The following CACNA2D2 variants were observed in gnomAD, a reference collection of about 807,000 sequenced individuals.
CACNA2D2 encodes the protein calcium voltage-gated channel auxiliary subunit alpha2delta 2, also known as voltage-dependent calcium channel subunit alpha-2/delta-2.
CACNA2D2 carries 48 observed loss-of-function variants against 166.4 expected under a neutral mutation model. The ratio of observed to expected loss-of-function variants is 0.29; its 90% CI spans 0.23 to 0.37. CACNA2D2 has a LOEUF of 0.37. Among genes scored for constraint, CACNA2D2 ranks in the 10% least tolerant of loss-of-function variants. The pLI, the probability that CACNA2D2 is intolerant of heterozygous loss-of-function variation, is 1.00. For missense variants in CACNA2D2, 1,122 were observed against 1,433.0 expected (o/e 0.78, Z 3.50); for synonymous variants, 561 against 573.7 (o/e 0.98, Z 0.32).
intron 3 of CACNA2D2, among the ~76,000 whole-genome samples, chr3:50,416,733 C>T (rs1707282060): frequency 6.6e-6 from 1 of 151,974 alleles, no homozygotes; most frequent in Non-Finnish European, 1.5e-5. Flanking sequence ...GTCTCTTTTC[C>T]TTTCTGAGCC....
intron 3 of CACNA2D2, among the ~76,000 whole-genome samples, chr3:50,413,799 A>G (rs1575650531): frequency 6.6e-6 from 1 of 152,150 alleles, no homozygotes; most frequent in African/African-American, 2.4e-5. Flanking sequence ...GTGAGCCGAG[A>G]CCGTGCCACT....
chr3:50,495,938 A>T (rs936238917), intron 1 of CACNA2D2, among the ~76,000 whole-genome samples: 1 of 152,216 alleles, frequency 6.6e-6, no homozygotes, highest in Non-Finnish European at 1.5e-5. Flanking sequence ...AATTTGCAAA[A>T]ATTTGAATTA....
intron 2 of CACNA2D2, among the ~76,000 whole-genome samples, chr3:50,451,060 G>A (rs1709075186): frequency 6.6e-6 from 1 of 152,122 alleles, no homozygotes; most frequent in Non-Finnish European, 1.5e-5. Context: ...CACCCCAATG[G>A]CCCTTAGTGC....
intron 3 of CACNA2D2, among the ~76,000 whole-genome samples, chr3:50,401,552 G>A (rs926323497): frequency 6.6e-6 from 1 of 152,166 alleles, no homozygotes; most frequent in Non-Finnish European, 1.5e-5. Context: ...TGGTATCCCA[G>A]ATGCTGGAAT....
intron 3 of CACNA2D2, among the ~76,000 whole-genome samples, chr3:50,433,948 G>A (rs1403630846): frequency 1.3e-5 from 2 of 152,154 alleles, no homozygotes. Context: ...CCAGCAGCAG[G>A]TCACTATCCT....
rs1382866903 is a variant in CACNA2D2 at position 50,432,624 on chromosome 3, C to T, written c.405+1689G>A. On this transcript the variant is annotated intron_variant, in intron 3 of 37. Transcript: ENST00000424201. ...GGCTGAGAGAGGCGAGCGTAATGGG[C>T]TGCTATCCCTGCAGAAGGCGTGGCT... Among the ~76,000 whole-genome samples the T allele has an allele frequency of 2.0e-5, 3 of 152,206 alleles. No homozygotes were observed. In the East Asian group the frequency reaches 5.8e-4, roughly 29 times the overall value.
intron 22 of CACNA2D2, among the ~76,000 whole-genome samples, chr3:50,373,566 T>G (rs1384814869): frequency 2.0e-4 from 15 of 75,178 alleles, no homozygotes; most frequent in South Asian, 6.6e-4. Context: ...AGAAAGAAGG[T>G]GAGGAGGGAG....
chr3:50,420,448 A>C (rs1278467843), intron 3 of CACNA2D2, among the ~76,000 whole-genome samples: 1 of 152,116 alleles, frequency 6.6e-6, no homozygotes, highest in East Asian at 1.9e-4. Flanking sequence ...AAACAGCTTA[A>C]ACTGCTGTGC....
intron 3 of CACNA2D2, among the ~76,000 whole-genome samples, chr3:50,395,391 C>T (rs1372443475): frequency 6.6e-6 from 1 of 152,160 alleles, no homozygotes; most frequent in East Asian, 1.9e-4. Flanking sequence ...TTGCTCAGCC[C>T]ATGACCAAGA....
chr3:50,421,522 G>A (rs1707562231), intron 3 of CACNA2D2, among the ~76,000 whole-genome samples: 1 of 152,056 alleles, frequency 6.6e-6, no homozygotes, highest in Non-Finnish European at 1.5e-5. Flanking sequence ...CTGGGCCTGG[G>A]GACAGGGTCT....
intron 1 of CACNA2D2, among the ~76,000 whole-genome samples, chr3:50,481,592 G>A (rs2107117579): frequency 6.6e-6 from 1 of 152,350 alleles, no homozygotes; most frequent in South Asian, 2.1e-4. Context: ...GGCCACTGCT[G>A]CCAAGTGCAC....
chr3:50,443,998 G>A (rs772405103), intron 2 of CACNA2D2, among the ~76,000 whole-genome samples: 1 of 152,178 alleles, frequency 6.6e-6, no homozygotes, highest in Non-Finnish European at 1.5e-5. Context: ...CCCAGAGCTG[G>A]CAGAAATTCA....
At chr3:50,378,655 A>T (rs897559344) in intron 13 of CACNA2D2, among the ~76,000 whole-genome samples, 6 of 152,226 alleles carry the variant, frequency 3.9e-5, no homozygotes, top group Non-Finnish European at 8.8e-5. Context: ...AGAGAGATGG[A>T]CGGATCAGCA....
chr3:50,434,658 C>G (rs1444234903), intron 2 of CACNA2D2, among the ~76,000 whole-genome samples: 1 of 152,214 alleles, frequency 6.6e-6, no homozygotes, highest in Non-Finnish European at 1.5e-5. Flanking sequence ...CCAGTTTAGG[C>G]TGGTCATTGT....
rs759690468 is a variant in CACNA2D2, at chr3:50,379,133, C to T, written c.1219G>A (p.Val407Met). 5.0e-6 allele frequency: 8 copies of T among 1,613,872 alleles called. No individual in the cohort carries two copies. Among genetic ancestry groups the T allele is most frequent in the East Asian group, 2.2e-5 (1 of 44,886 alleles). ...TTGTACTTCTCAAAGACGTCCTGCA[C>T]GCGGTCCTCACCACCATCCGTGAAC... ...MMFTDGGEDRVQDVFEKYNWP... is the reference protein window; with the variant it reads ...MMFTDGGEDRMQDVFEKYNWP... Residue 407 changes from valine (V) to methionine (M), a missense_variant, in exon 12 of 38, where the codon GTG becomes ATG. Coordinates refer to ENST00000424201, the MANE Select transcript of CACNA2D2 (RefSeq NM_006030.4). This position sits in a 1 kb window ranked among gnomAD's most constrained non-coding sequence, Gnocchi z 6.5.
chr3:50,482,789 G>T (rs999161006), intron 1 of CACNA2D2, among the ~76,000 whole-genome samples: 3 of 152,234 alleles, frequency 2.0e-5, no homozygotes, highest in African/African-American at 7.2e-5. Flanking sequence ...AAGGAGCCCT[G>T]GGGAAGGGCA....
intron 3 of CACNA2D2, among the ~76,000 whole-genome samples, chr3:50,420,520 C>T (rs536163350): frequency 6.6e-6 from 1 of 151,100 alleles, no homozygotes; most frequent in African/African-American, 2.5e-5. Flanking sequence ...AAGGCTTGGG[C>T]CACATATGAC....
At position 50,379,394 on chromosome 3, in the gene CACNA2D2, C is replaced by T. The variant is rs780578344; in HGVS notation, c.1152+38G>A. 6.2e-6 allele frequency: 10 copies of T among 1,606,946 alleles called. No individual in the cohort carries two copies. Among genetic ancestry groups the T allele is most frequent in the Middle Eastern group, 1.7e-4 (1 of 6,010 alleles). The stretch of plus-strand genomic sequence containing the variant: ...GGGTACACCAAGCCAGGGCCCTCTA[C>T]TCCCCCAGCCGCCCACTTGCCCACC... On this transcript the variant is annotated intron_variant, in intron 11 of 37. Coordinates refer to ENST00000424201, the MANE Select transcript of CACNA2D2 (RefSeq NM_006030.4). The surrounding 1 kb of genome is among the most constrained non-coding windows in gnomAD (Gnocchi z 6.5).
chr3:50,468,440 T>TGTGTGG (rs1427320069), intron 2 of CACNA2D2, among the ~76,000 whole-genome samples: 4 of 144,078 alleles, frequency 2.8e-5, no homozygotes, highest in East Asian at 2.0e-4. Flanking sequence ...TGTGTGTGTG[T>TGTGTGG]GGCTTTAGGA....
Sources: allele counts gnomAD v4.1 joint callset (sites outside exome capture counted in the v4.1 genomes callset), GRCh38; gene constraint gnomAD v4.1.1; non-coding constraint Gnocchi (gnomAD v3.1); transcripts MANE v1.5; gene names NCBI Gene and HGNC (gene_info 2026-07-23, HGNC 2026-07-21).